GREB1: variants seen among roughly 807,000 people sequenced by gnomAD.
The protein encoded by GREB1 is growth regulating estrogen receptor binding 1.
In GREB1, 106 loss-of-function variants were observed where a neutral mutation model predicts 200.7. The observed-to-expected ratio is 0.53, with a 90% confidence interval of 0.45 to 0.62. GREB1 has a LOEUF of 0.62. Ranked by LOEUF, GREB1 falls within the 20% of genes least tolerant of loss-of-function variation. The probability of loss-of-function intolerance (pLI) is 0.00; values close to 1 mark genes in which losing one functional copy is unlikely to be tolerated. For synonymous variants in GREB1, 1,132 were observed against 1,092.4 expected (o/e 1.04, Z -0.72); for missense variants, 2,243 against 2,556.8 (o/e 0.88, Z 2.65).
chr2:11,552,747 C>T (rs893332636), intron 1 of GREB1, among the ~76,000 whole-genome samples: 7 of 152,014 alleles, frequency 4.6e-5, no homozygotes, highest in Non-Finnish European at 7.4e-5. Flanking sequence ...CGCGGTGGCT[C>T]ACGCCTGTAA....
rs1432549294 is a variant in GREB1, at chr2:11,641,629, G to A, written c.*1175G>A. On this transcript the variant is annotated 3_prime_UTR_variant, in exon 33 of 33. Transcript: ENST00000381486. Reference sequence around the variant, plus strand: ...GCCTCCCGAGTAGCTGGGACTACAGGCGCCCACCACCACGCCCGGCTAATT... The same window carrying A: ...GCCTCCCGAGTAGCTGGGACTACAGACGCCCACCACCACGCCCGGCTAATT... 2 of 152,130 alleles carry A rather than the reference G, an allele frequency of 1.3e-5. No homozygotes were observed. The highest frequency in any genetic ancestry group is 4.8e-5 in the African/African-American group (2 of 41,388). The allele number at this position is 152,130 out of a possible 1,614,324, so 9.4% of individuals were successfully genotyped here.
At chr2:11,552,880 C>T (rs143764257) in intron 1 of GREB1, among the ~76,000 whole-genome samples, 2 of 151,878 alleles carry the variant, frequency 1.3e-5, no homozygotes, top group African/African-American at 2.4e-5. Context: ...CATGGTGGCG[C>T]ACGCCTGTAG....
At chr2:11,569,442 A>G (rs976981593) in intron 4 of GREB1, among the ~76,000 whole-genome samples, 1 of 152,184 alleles carries the variant, frequency 6.6e-6, no homozygotes, top group African/African-American at 2.4e-5. Flanking sequence ...AGAGACGGTA[A>G]GGTGCTCCGG....
intron 23 of GREB1, 46 bp from the exon 24 acceptor site, chr2:11,625,108 T>C (rs552078388): frequency 1.3e-6 from 2 of 1,489,944 alleles, no homozygotes; most frequent in South Asian, 2.3e-5. Context: ...TGTAAATCAT[T>C]TTCACTTCCT....
At chr2:11,519,420 C>T (rs1463089677) in intron 1 of GREB1, among the ~76,000 whole-genome samples, 2 of 135,664 alleles carry the variant, frequency 1.5e-5, no homozygotes, top group Admixed American at 7.3e-5. Context: ...TGGTCTTAGC[C>T]TTTTCACATC....
At chr2:11,600,013 G>A (rs1681640220) in intron 15 of GREB1, among the ~76,000 whole-genome samples, 5 of 152,350 alleles carry the variant, frequency 3.3e-5, no homozygotes, top group Middle Eastern at 3.4e-3. Context: ...GAAGGAGGGG[G>A]CTCCTGGGCC....
intron 1 of GREB1, among the ~76,000 whole-genome samples, chr2:11,497,128 T>C (rs940184064): frequency 1.3e-5 from 2 of 152,212 alleles, no homozygotes; most frequent in Admixed American, 1.3e-4. Flanking sequence ...TGGTTAATTC[T>C]CTTTCCCACC....
At chr2:11,530,036 G>A (rs980846132), upstream of GREB1, among the ~76,000 whole-genome samples, 2 of 151,998 alleles carry the variant, frequency 1.3e-5, no homozygotes, top group Non-Finnish European at 2.9e-5. Context: ...AGACCCCTAG[G>A]TGATTTTTTA....
chr2:11,590,059 G>T (rs561611260), intron 10 of GREB1, among the ~76,000 whole-genome samples: 2 of 152,176 alleles, frequency 1.3e-5, no homozygotes, highest in Admixed American at 6.5e-5. Context: ...GGAGAGGAAA[G>T]TGCCAAGGTT....
At chr2:11,500,459 A>ATTTTT (rs5829310) in intron 1 of GREB1, among the ~76,000 whole-genome samples, 1 of 141,624 alleles carries the variant, frequency 7.1e-6, no homozygotes. Context: ...GTGCCTGGCC[A>ATTTTT]TTTTTTTTTT....
At chr2:11,615,705 G>A (rs1191001028) in intron 20 of GREB1, among the ~76,000 whole-genome samples, 11 of 152,162 alleles carry the variant, frequency 7.2e-5, no homozygotes, top group East Asian at 3.8e-4. Context: ...ACCCAACAGC[G>A]TGCTGTCCAT....
rs1233858417 is a variant in GREB1 at position 11,600,969 on chromosome 2, A to T, written c.2503A>T (p.Ile835Phe). The change falls in exon 16 of 33, where the codon ATC becomes TTC. Residue 835 changes from isoleucine (I) to phenylalanine (F), a missense_variant. Coordinates refer to ENST00000381486, the MANE Select transcript of GREB1 (RefSeq NM_014668.4). Reference sequence around the variant, plus strand: ...CACCCTCATCAGCCCCTACAACGAGATCCACTGGCCTGCCTCCTGCAGTAA... The same window carrying T: ...CACCCTCATCAGCCCCTACAACGAGTTCCACTGGCCTGCCTCCTGCAGTAA... ...QHTLISPYNE[I>F]HWPASCSNGV... 6.2e-7 allele frequency: 1 copy of T among 1,612,972 alleles called. No individual in the cohort carries two copies. The highest frequency in any genetic ancestry group is 2.2e-5 in the East Asian group (1 of 44,862).
chr2:11,589,504 T>C (rs1322204496), intron 10 of GREB1, among the ~76,000 whole-genome samples: 4 of 151,450 alleles, frequency 2.6e-5, no homozygotes, highest in Admixed American at 2.6e-4. Context: ...AGAGAGAGGG[T>C]GTGAGTGAGA....
chr2:11,587,563 T>C, intron 9 of GREB1: 1 of 1,521,014 alleles, frequency 6.6e-7, no homozygotes, highest in Non-Finnish European at 8.9e-7. Flanking sequence ...AAGCAGTGTC[T>C]TTGAGAACGT....
intron 5 of GREB1, among the ~76,000 whole-genome samples, chr2:11,577,266 G>A (rs1678964934): frequency 6.6e-6 from 1 of 152,128 alleles, no homozygotes; most frequent in Non-Finnish European, 1.5e-5. Context: ...TCTGGGGTAG[G>A]GACCAGGGTA....
In GREB1 at chr2:11,599,590, C is replaced by G. The variant is rs186923221; in HGVS notation, c.2333+730C>G. Among the ~76,000 whole-genome samples, 1,249 of 150,766 alleles carry G rather than the reference C, an allele frequency of 8.3e-3. 18 individuals are homozygous for G. Among genetic ancestry groups the G allele is most frequent in the African/African-American group, 0.029 (1,180 of 40,732 alleles). On this transcript the variant is annotated intron_variant, in intron 15 of 32. Transcript: ENST00000381486. The stretch of plus-strand genomic sequence containing the variant: ...GCTTGGAGTGCAGTGGCACGATCTC[C>G]GCTCACTGCAAACTCTGCCTCCCGG...
chr2:11,562,678 G>T (rs1212634638), intron 3 of GREB1, 96 bp downstream of exon 3: 5 of 1,370,286 alleles, frequency 3.6e-6, no homozygotes, highest in Non-Finnish European at 4.9e-6. Context: ...TGTGCTGCAG[G>T]GGTCCTCTTT....
chr2:11,588,276 T>G, intron 9 of GREB1: 1 of 1,071,092 alleles, frequency 9.3e-7, no homozygotes, highest in Non-Finnish European at 1.1e-6. Context: ...TGGTGATATA[T>G]TGTCCCAACT....
At chr2:11,614,865 G>T (rs1050229420) in intron 19 of GREB1, among the ~76,000 whole-genome samples, 4 of 152,184 alleles carry the variant, frequency 2.6e-5, no homozygotes, top group African/African-American at 9.7e-5. Context: ...AAAAGTTAGT[G>T]CAGCACAGAG....
Sources: gnomAD v4.1 joint callset for allele counts (sites outside exome capture counted in the v4.1 genomes callset) on GRCh38, gnomAD v4.1.1 for gene constraint, MANE v1.5 for transcripts, NCBI Gene and HGNC (gene_info 2026-07-23, HGNC 2026-07-21) for gene names.